Variants in WDR27 observed in about 807,000 individuals in gnomAD.
The protein encoded by WDR27 is WD repeat-containing protein 27.
WDR27 carries 100 observed loss-of-function variants against 114.4 expected under a neutral mutation model. That is an observed-to-expected ratio of 0.87 (90% CI 0.74 to 1.03). WDR27 has a LOEUF of 1.03. Ranked by LOEUF, WDR27 falls within the 50% of genes least tolerant of loss-of-function variation. The pLI, the probability that WDR27 is intolerant of heterozygous loss-of-function variation, is 0.00. For synonymous variants in WDR27, 449 were observed against 423.1 expected (o/e 1.06, Z -0.75); for missense variants, 1,129 against 1,092.9 (o/e 1.03, Z -0.47).
In WDR27 at chr6:169,613,258, G is replaced by C. The variant is rs74457267; in HGVS notation, c.2321+301C>G. ...TGGAGATGGGAACACACTTGGGAGA[G>C]AGAGCAGTAATCACACCATAGGGTA... On this transcript the variant is annotated intron_variant, in intron 22 of 25. Transcript: ENST00000448612. Among the ~76,000 whole-genome samples, 742 of 152,300 alleles carry C rather than the reference G, an allele frequency of 4.9e-3. 14 individuals are homozygous for C. The highest frequency in any genetic ancestry group is 0.017 in the African/African-American group (721 of 41,556).
intron 16 of WDR27, among the ~76,000 whole-genome samples, chr6:169,646,754 A>AT (rs764166668): frequency 7.9e-5 from 12 of 151,994 alleles, no homozygotes; most frequent in Non-Finnish European, 1.6e-4. Context: ...TCTCAAAAAA[A>AT]AAAAAAAAAG....
intron 6 of WDR27, chr6:169,666,416 C>A (rs3055): frequency 1.0e-6 from 1 of 985,228 alleles, no homozygotes; most frequent in Non-Finnish European, 1.2e-6. Flanking sequence ...ATGTCACTTA[C>A]CGCATGGAAG....
At chr6:169,456,653 C>T (rs139384368), downstream of WDR27, among the ~76,000 whole-genome samples, 3 of 152,296 alleles carry the variant, frequency 2.0e-5, no homozygotes, top group South Asian at 4.1e-4. This position sits in a 1 kb window ranked among gnomAD's most constrained non-coding sequence, Gnocchi z 4.0. Context: ...CAATCATCAA[C>T]TGTGGGAGGA....
Position 169,642,824 on chromosome 6 carries a change from A to G in WDR27, c.1747+873T>C, listed in dbSNP as rs991450326. The stretch of plus-strand genomic sequence containing the variant: ...ACCAGGCCCCACCTCCGCGTTTCCT[A>G]ATGACTGCCCTTGGGGTGGTCACGC... On this transcript the variant is annotated intron_variant, in intron 17 of 25. Coordinates refer to ENST00000448612, the MANE Select transcript of WDR27 (RefSeq NM_182552.5). Among the ~76,000 whole-genome samples, 7 of 152,114 alleles carry G rather than the reference A, an allele frequency of 4.6e-5. No homozygotes were observed. The East Asian group carries it at 1.3e-3, about 29-fold the overall frequency.
At chr6:169,573,333 T>C (rs889172336) in intron 24 of WDR27, among the ~76,000 whole-genome samples, 2 of 152,216 alleles carry the variant, frequency 1.3e-5, no homozygotes, top group Admixed American at 6.5e-5. Flanking sequence ...CCCAATACAA[T>C]ATGAAAAGTT....
intron 22 of WDR27, among the ~76,000 whole-genome samples, chr6:169,612,203 G>A (rs973005072): frequency 9.9e-5 from 15 of 151,516 alleles, no homozygotes; most frequent in Middle Eastern, 6.9e-3. Flanking sequence ...AGGCCAAGGC[G>A]GGCAGATCAT....
At chr6:169,698,361 A>G (rs1786823519) in intron 1 of WDR27, among the ~76,000 whole-genome samples, 1 of 151,924 alleles carries the variant, frequency 6.6e-6, no homozygotes, top group African/African-American at 2.4e-5. Context: ...ACAGACAGGG[A>G]TGAGGGAGGG....
At chr6:169,623,569 C>T (rs377120495) in intron 21 of WDR27, among the ~76,000 whole-genome samples, 14 of 152,184 alleles carry the variant, frequency 9.2e-5, no homozygotes, top group South Asian at 6.2e-4. Flanking sequence ...TCACAGCCTG[C>T]GTACCCACTC....
chr6:169,492,250 G>A (rs530459350), intron 25 of WDR27, among the ~76,000 whole-genome samples: 32 of 150,572 alleles, frequency 2.1e-4, no homozygotes, highest in Admixed American at 6.0e-4. Flanking sequence ...ATCATTGCTC[G>A]CCTAGACAAA....
chr6:169,516,835 A>ACACACACC (rs1491176990), intron 25 of WDR27, among the ~76,000 whole-genome samples: 17 of 144,658 alleles, frequency 1.2e-4, no homozygotes, highest in Non-Finnish European at 1.7e-4. Flanking sequence ...ACACACACAC[A>ACACACACC]CCCCTCCCTT....
intron 25 of WDR27, among the ~76,000 whole-genome samples, chr6:169,475,332 C>T (rs1159817425): frequency 1.3e-5 from 2 of 152,224 alleles, no homozygotes; most frequent in African/African-American, 4.8e-5. Flanking sequence ...AAGCAATTCT[C>T]CTGCCTCAGC....
intron 13 of WDR27, among the ~76,000 whole-genome samples, chr6:169,656,968 C>T (rs974362509): frequency 9.2e-5 from 14 of 152,318 alleles, no homozygotes; most frequent in African/African-American, 3.1e-4. Flanking sequence ...CGCCTCCCCC[C>T]GGCCTTCATT....
chr6:169,450,492 C>T, the WDR27 span, among the ~76,000 whole-genome samples: 2,589 of 152,340 alleles, frequency 0.017, 73 homozygotes, highest in African/African-American at 0.059. Context: ...CCAACCACCA[C>T]TGCTGGAAAT....
In WDR27 at chr6:169,681,321, A is replaced by G. The variant is rs772513432; in HGVS notation, c.189+7496T>C. On this transcript the variant is annotated intron_variant, in intron 2 of 25. Coordinates refer to ENST00000448612, the MANE Select transcript of WDR27 (RefSeq NM_182552.5). ...TGGTGAAATAGAAGCTAACCCACTC[A>G]TATCTCCCGACAATAACAAAAATTC... 3.3e-5 allele frequency among the ~76,000 whole-genome samples: 5 copies of G among 152,208 alleles called. No homozygotes were observed. The East Asian group carries it at 7.7e-4, about 23-fold the overall frequency.
chr6:169,538,025 G>A (rs1796389330), intron 25 of WDR27, among the ~76,000 whole-genome samples: 1 of 151,412 alleles, frequency 6.6e-6, no homozygotes, highest in African/African-American at 2.4e-5. Flanking sequence ...TAAATTGGGT[G>A]TGTATGTGTG....
intron 18 of WDR27, 55 bp from the exon 19 acceptor site, chr6:169,636,559 A>G (rs1817705062): frequency 2.7e-6 from 4 of 1,500,584 alleles, no homozygotes; most frequent in Non-Finnish European, 3.6e-6. Flanking sequence ...CAAAAACACT[A>G]TTGCTCTAAA....
intron 20 of WDR27, among the ~76,000 whole-genome samples, chr6:169,633,485 G>A (rs2128218211): frequency 6.6e-6 from 1 of 152,340 alleles, no homozygotes; most frequent in East Asian, 1.9e-4. Flanking sequence ...AGCACCTGGG[G>A]CAGGCTTCAC....
intron 25 of WDR27, among the ~76,000 whole-genome samples, chr6:169,480,808 CTT>C (rs1396284692): frequency 1.3e-4 from 19 of 151,442 alleles, no homozygotes; most frequent in African/African-American, 4.4e-4. Flanking sequence ...CCAATCAGCA[CTT>C]TGTGTCTAGC....
At chr6:169,567,702 C>T (rs1449360267) in intron 25 of WDR27, among the ~76,000 whole-genome samples, 3 of 152,164 alleles carry the variant, frequency 2.0e-5, no homozygotes, top group Non-Finnish European at 2.9e-5. Flanking sequence ...TTTGGAAGCT[C>T]TCTCCAACCC....
Sources: allele counts gnomAD v4.1 joint callset (sites outside exome capture counted in the v4.1 genomes callset), GRCh38; gene constraint gnomAD v4.1.1; non-coding constraint Gnocchi (gnomAD v3.1); transcripts MANE v1.5; gene names NCBI Gene and HGNC (gene_info 2026-07-23, HGNC 2026-07-21).